Variants in PRR5L observed in about 807,000 individuals in gnomAD.
PRR5L encodes proline rich 5 like.
Under a neutral mutation model 36.4 loss-of-function variants are expected in PRR5L, and 21 were observed. The ratio of observed to expected loss-of-function variants is 0.58; its 90% CI spans 0.41 to 0.83. PRR5L has a LOEUF of 0.83. PRR5L is among the 40% of genes least tolerant of loss of function. The probability of loss-of-function intolerance (pLI) is 0.00; values close to 1 mark genes in which losing one functional copy is unlikely to be tolerated. For synonymous variants in PRR5L, 188 were observed against 197.0 expected (o/e 0.95, Z 0.38); for missense variants, 381 against 473.3 (o/e 0.80, Z 1.81).
At chr11:36,390,445 G>A (rs1048393805) in intron 1 of PRR5L, among the ~76,000 whole-genome samples, 5 of 152,222 alleles carry the variant, frequency 3.3e-5, no homozygotes, top group African/African-American at 1.2e-4. Flanking sequence ...TGAAGGCATC[G>A]CAGCAAAGAG....
At chr11:36,351,562 T>A (rs1373281710) in intron 1 of PRR5L, among the ~76,000 whole-genome samples, 884 of 26,454 alleles carry the variant, frequency 0.033, 263 homozygotes, top group African/African-American at 0.14. Context: ...TATTTATATA[T>A]TTATATATTT....
intron 1 of PRR5L, among the ~76,000 whole-genome samples, chr11:36,311,811 T>C (rs752802271): frequency 2.6e-5 from 4 of 152,222 alleles, no homozygotes; most frequent in Non-Finnish European, 5.9e-5. Flanking sequence ...AATTGAGGTA[T>C]ATATTTAAGG....
intron 6 of PRR5L, among the ~76,000 whole-genome samples, chr11:36,444,244 A>G (rs979578177): frequency 7.2e-5 from 11 of 152,220 alleles, no homozygotes; most frequent in Non-Finnish European, 1.5e-4. Context: ...TCCAAAATAT[A>G]CAAAGTGAAA....
chr11:36,352,023 C>G (rs918858345), intron 1 of PRR5L, among the ~76,000 whole-genome samples: 1 of 151,780 alleles, frequency 6.6e-6, no homozygotes, highest in Non-Finnish European at 1.5e-5. Flanking sequence ...AGTGGTTGTA[C>G]TAGTTTACAT....
chr11:36,384,740 G>A (rs330252), intron 1 of PRR5L, among the ~76,000 whole-genome samples: 121,265 of 151,686 alleles, frequency 0.8, 48,612 homozygotes, highest in East Asian at 0.89. Context: ...TGGCATGATT[G>A]TAGCTCACTG....
At chr11:36,353,422 T>C (rs1422602383) in intron 1 of PRR5L, among the ~76,000 whole-genome samples, 4 of 152,176 alleles carry the variant, frequency 2.6e-5, no homozygotes, top group African/African-American at 9.7e-5. Flanking sequence ...TTCCTAATAA[T>C]CTTGAGAAAA....
chr11:36,416,695 T>C (rs1858150530), intron 3 of PRR5L, among the ~76,000 whole-genome samples: 1 of 152,196 alleles, frequency 6.6e-6, no homozygotes, highest in Non-Finnish European at 1.5e-5. Flanking sequence ...CTACCTAGAC[T>C]TTTCTCTTCC....
At chr11:36,348,264 C>T (rs552405348) in intron 1 of PRR5L, among the ~76,000 whole-genome samples, 1 of 152,130 alleles carries the variant, frequency 6.6e-6, no homozygotes, top group Non-Finnish European at 1.5e-5. Flanking sequence ...TTCTCTGGGC[C>T]TTGGTTGTTT....
At chr11:36,352,074 A>G (rs1006983902) in intron 1 of PRR5L, among the ~76,000 whole-genome samples, 1 of 151,980 alleles carries the variant, frequency 6.6e-6, no homozygotes, top group Non-Finnish European at 1.5e-5. Flanking sequence ...TTTTGACTGC[A>G]TCCCCGCCAA....
In PRR5L at chr11:36,430,043, T is replaced by C. The variant is rs543111672; in HGVS notation, c.295-1810T>C. Among the ~76,000 whole-genome samples, 8 of 152,302 alleles carry C rather than the reference T, an allele frequency of 5.3e-5. No homozygotes were observed. The South Asian group carries it at 1.0e-3, about 20-fold the overall frequency. ...TTTGTGAAGGAATTGCTTTTTTTTT[T>C]CCTTTAACAAAGTTGGTGTATTCCT... On this transcript the variant is annotated intron_variant, in intron 4 of 8. Coordinates refer to ENST00000530639, the MANE Select transcript of PRR5L (RefSeq NM_001160167.2).
rs59947428 is a variant in PRR5L, at chr11:36,310,995, C to CAAAA, written c.-126+14575_-126+14578dup. On this transcript the variant is annotated intron_variant, in intron 1 of 8. Transcript: ENST00000530639. ...TGGTGACAGAGTGAGACTCCGTCTC[C>CAAAA]AAAAAAAAAAAAAAAAAAAAAGAAT... is the stretch of plus-strand genomic sequence containing the variant. Among the ~76,000 whole-genome samples the CAAAA allele has an allele frequency of 2.3e-3, 202 of 88,264 alleles. 2 individuals carry two copies. The highest frequency in any genetic ancestry group is 8.9e-3 in the African/African-American group (181 of 20,410). 57.9% of individuals were successfully genotyped at this position (88,264 alleles called of 152,430 possible).
At chr11:36,311,733 G>C (rs1192569143) in intron 1 of PRR5L, among the ~76,000 whole-genome samples, 2 of 152,098 alleles carry the variant, frequency 1.3e-5, no homozygotes, top group Non-Finnish European at 2.9e-5. Context: ...TACTCTGAGA[G>C]CTTTTAGTGG....
intron 1 of PRR5L, among the ~76,000 whole-genome samples, chr11:36,336,323 G>T (rs1365603569): frequency 6.6e-6 from 1 of 151,996 alleles, no homozygotes; most frequent in African/African-American, 2.4e-5. Flanking sequence ...TCCTTCTCCT[G>T]GGCTCAAGCA....
chr11:36,311,962 C>G (rs1856508296), intron 1 of PRR5L, among the ~76,000 whole-genome samples: 1 of 151,992 alleles, frequency 6.6e-6, no homozygotes, highest in Non-Finnish European at 1.5e-5. Flanking sequence ...AATGAAGATG[C>G]CCCCCTGAAT....
At chr11:36,376,761 C>T (rs1011905734) in intron 1 of PRR5L, 3 of 972,992 alleles carry the variant, frequency 3.1e-6, no homozygotes, top group African/African-American at 3.5e-5. Flanking sequence ...GCTCAGCAAC[C>T]GCGCAGGATT....
At chr11:36,319,643 T>C (rs1448960828) in intron 1 of PRR5L, among the ~76,000 whole-genome samples, 1 of 150,980 alleles carries the variant, frequency 6.6e-6, no homozygotes, top group African/African-American at 2.4e-5. Flanking sequence ...ACAAGAGCAA[T>C]ACTTTGTAGA....
intron 1 of PRR5L, among the ~76,000 whole-genome samples, chr11:36,298,849 C>T (rs531998613): frequency 6.6e-6 from 1 of 152,342 alleles, no homozygotes; most frequent in Non-Finnish European, 1.5e-5. Context: ...ACTGAGTTCT[C>T]ACATGGTCTT....
intron 1 of PRR5L, among the ~76,000 whole-genome samples, chr11:36,309,194 T>C (rs1345394495): frequency 6.6e-6 from 1 of 152,204 alleles, no homozygotes; most frequent in Non-Finnish European, 1.5e-5. Context: ...GTGAGTTTCT[T>C]GGAGCAGCCT....
intron 8 of PRR5L, among the ~76,000 whole-genome samples, chr11:36,457,261 T>C (rs1268440051): frequency 1.3e-5 from 2 of 152,250 alleles, no homozygotes; most frequent in African/African-American, 4.8e-5. Flanking sequence ...ATTAATACTG[T>C]ATCTTTCCAG....
Sources: gnomAD v4.1 joint callset for allele counts (sites outside exome capture counted in the v4.1 genomes callset) on GRCh38, gnomAD v4.1.1 for gene constraint, MANE v1.5 for transcripts, NCBI Gene and HGNC (gene_info 2026-07-23, HGNC 2026-07-21) for gene names.